The following RETREG1 variants were observed in gnomAD, a reference collection of about 807,000 sequenced individuals.
RETREG1 encodes family with sequence similarity 134 member B.
In RETREG1, 44 loss-of-function variants were observed where a neutral mutation model predicts 54.8. The observed-to-expected ratio is 0.80, with a 90% CI of 0.63 to 1.03. RETREG1 has a LOEUF of 1.03. Ranked by LOEUF, RETREG1 falls within the 50% of genes least tolerant of loss-of-function variation. The pLI is 0.00. For missense variants in RETREG1, 554 were observed against 605.1 expected (o/e 0.92, Z 0.89); for synonymous variants, 217 against 238.5 (o/e 0.91, Z 0.83).
In RETREG1 at chr5:16,502,632, T is replaced by A. The variant is rs553358965; in HGVS notation, c.459-19160A>T. 1.5e-4 allele frequency among the ~76,000 whole-genome samples: 23 copies of A among 152,358 alleles called. No homozygotes were observed. The South Asian group carries it at 3.7e-3, about 25-fold the overall frequency. ...ATCCAGGAAGAACTAGAAGACAGTATAACAGTATTTTTTCGAGGCATTAAG... is the reference window on the plus strand; with the variant it reads ...ATCCAGGAAGAACTAGAAGACAGTAAAACAGTATTTTTTCGAGGCATTAAG... On this transcript the variant is annotated intron_variant, in intron 3 of 8. Coordinates refer to ENST00000306320, the MANE Select transcript of RETREG1 (RefSeq NM_001034850.3).
chr5:16,591,288 G>A (rs1402922736), intron 1 of RETREG1, among the ~76,000 whole-genome samples: 1 of 152,082 alleles, frequency 6.6e-6, no homozygotes, highest in African/African-American at 2.4e-5. Flanking sequence ...CTAACACAGT[G>A]AAACGTTCCA....
chr5:16,540,193 T>C (rs905227308), intron 3 of RETREG1, among the ~76,000 whole-genome samples: 1 of 152,186 alleles, frequency 6.6e-6, no homozygotes, highest in African/African-American at 2.4e-5. Flanking sequence ...CGCTAAAAAC[T>C]ACCAATAAAA....
At chr5:16,493,888 T>C (rs1174062690) in intron 3 of RETREG1, among the ~76,000 whole-genome samples, 2 of 152,254 alleles carry the variant, frequency 1.3e-5, no homozygotes, top group African/African-American at 4.8e-5. Context: ...AAAGTGCTTT[T>C]ATTATGAAGG....
Position 16,475,159 on chromosome 5 carries a change from G to T in RETREG1, c.1076C>A (p.Thr359Lys), listed in dbSNP as rs1223271020. 3.7e-6 allele frequency: 6 copies of T among 1,613,846 alleles called. No individual in the cohort carries two copies. The highest frequency in any genetic ancestry group is 1.3e-5 in the African/African-American group (1 of 74,998). ...AAGGCTTAATTCATCTTCATCATTTGTTCCCATGCCATTTTCTAGAGATGG... is the reference window on the plus strand; with the variant it reads ...AAGGCTTAATTCATCTTCATCATTTTTTCCCATGCCATTTTCTAGAGATGG... ...DFPSLENGMG[T>K]NDEDELSLGL... The change falls in exon 9 of 9, where the codon ACA (threonine) becomes AAA (lysine). Residue 359 changes from threonine to lysine, a missense_variant. By Grantham distance (78) the Thr-to-Lys change is moderately conservative. Around this residue, in one of 4 missense-constraint regions of RETREG1, gnomAD observed 347 missense variants for 412.3 expected, o/e 0.84. Coordinates refer to ENST00000306320, the MANE Select transcript of RETREG1 (RefSeq NM_001034850.3).
rs1416883930 is a variant in RETREG1, at chr5:16,593,292, C to T, written c.321-21190G>A. On this transcript the variant is annotated intron_variant, in intron 1 of 8. Transcript: ENST00000306320. The surrounding 1 kb of genome is among the most constrained non-coding windows in gnomAD (Gnocchi z 4.9). ...CCACTTGTATGCTGGTTTGCTTGGCCATTTGTTTCCCATCTGTCTGTCCTT... is the reference window on the plus strand; with the variant it reads ...CCACTTGTATGCTGGTTTGCTTGGCTATTTGTTTCCCATCTGTCTGTCCTT... 6.6e-6 allele frequency among the ~76,000 whole-genome samples: 1 copy of T among 152,104 alleles called. No homozygotes were observed. Among genetic ancestry groups the T allele is most frequent in the Non-Finnish European group, 1.5e-5 (1 of 68,030 alleles).
intron 3 of RETREG1, among the ~76,000 whole-genome samples, chr5:16,514,266 AGG>A (rs1740275467): frequency 6.6e-6 from 1 of 152,130 alleles, no homozygotes; most frequent in Non-Finnish European, 1.5e-5. Context: ...TTAACCTAGA[AGG>A]AATGAAGTGT....
chr5:16,533,083 C>T (rs1249040362), intron 3 of RETREG1, among the ~76,000 whole-genome samples: 1 of 151,638 alleles, frequency 6.6e-6, no homozygotes, highest in Non-Finnish European at 1.5e-5. Context: ...GTCTCTCTCT[C>T]GCCCAGGCTG....
intron 3 of RETREG1, among the ~76,000 whole-genome samples, chr5:16,504,550 C>T (rs1256650054): frequency 1.3e-5 from 2 of 152,204 alleles, no homozygotes; most frequent in Non-Finnish European, 2.9e-5. Flanking sequence ...CAGCCACTCT[C>T]TCCTTTCTCC....
At chr5:16,546,368 A>G (rs1483234638) in intron 3 of RETREG1, among the ~76,000 whole-genome samples, 2 of 152,128 alleles carry the variant, frequency 1.3e-5, no homozygotes, top group Non-Finnish European at 2.9e-5. Context: ...TGGCCTTGCT[A>G]TGTTGCCCAG....
chr5:16,590,886 C>A (rs940888162), intron 1 of RETREG1, among the ~76,000 whole-genome samples: 1 of 146,592 alleles, frequency 6.8e-6, no homozygotes, highest in African/African-American at 2.5e-5. Flanking sequence ...TACACACACA[C>A]GCACACACAC....
intron 3 of RETREG1, among the ~76,000 whole-genome samples, chr5:16,514,510 A>G (rs62369680): frequency 0.13 from 20,413 of 152,118 alleles, 1,695 homozygotes; most frequent in African/African-American, 0.23. Flanking sequence ...TAATGTTTCT[A>G]TCTTATTTTG....
At chr5:16,563,230 T>C (rs1741917263) in intron 3 of RETREG1, among the ~76,000 whole-genome samples, 1 of 152,172 alleles carries the variant, frequency 6.6e-6, no homozygotes, top group South Asian at 2.1e-4. Context: ...TACACATTTC[T>C]GTAGGAACAA....
At chr5:16,495,608 C>T (rs968224933) in intron 3 of RETREG1, among the ~76,000 whole-genome samples, 1 of 152,252 alleles carries the variant, frequency 6.6e-6, no homozygotes, top group Non-Finnish European at 1.5e-5. Flanking sequence ...GCCTTGGTGG[C>T]TTCCATGTGG....
Position 16,563,081 on chromosome 5 carries a change from G to A in RETREG1, c.458+2682C>T, listed in dbSNP as rs527466380. Reference sequence around the variant, plus strand: ...ATCTAAAACTGTTTTTAAAAATAACGCCTGTGTGAGAGAACCAACTAATGC... The same window carrying A: ...ATCTAAAACTGTTTTTAAAAATAACACCTGTGTGAGAGAACCAACTAATGC... On this transcript the variant is annotated intron_variant, in intron 3 of 8. Coordinates refer to ENST00000306320, the MANE Select transcript of RETREG1 (RefSeq NM_001034850.3). Among the ~76,000 whole-genome samples the A allele has an allele frequency of 6.6e-5, 10 of 152,044 alleles. No homozygotes were observed. In the South Asian group the frequency reaches 1.3e-3, roughly 19 times the overall value.
chr5:16,482,039 G>A (rs373137876), intron 4 of RETREG1, among the ~76,000 whole-genome samples: 10 of 151,988 alleles, frequency 6.6e-5, no homozygotes, highest in African/African-American at 2.4e-4. Flanking sequence ...AGAGCAAAGG[G>A]GTCTAAATCT....
At chr5:16,531,859 G>C (rs994593721) in intron 3 of RETREG1, among the ~76,000 whole-genome samples, 5 of 152,172 alleles carry the variant, frequency 3.3e-5, no homozygotes, top group African/African-American at 1.2e-4. Context: ...CAAGCAGTGA[G>C]CAAACTAATT....
intron 1 of RETREG1, among the ~76,000 whole-genome samples, chr5:16,608,052 G>A (rs1464026697): frequency 6.6e-6 from 1 of 151,960 alleles, no homozygotes; most frequent in Admixed American, 6.6e-5. Context: ...GCTAATTTTT[G>A]TATTTTTAAT....
At chr5:16,487,522 C>G (rs1178273007) in intron 3 of RETREG1, among the ~76,000 whole-genome samples, 1 of 152,216 alleles carries the variant, frequency 6.6e-6, no homozygotes, top group African/African-American at 2.4e-5. Flanking sequence ...ACTACAAGCC[C>G]CAGCCTCTAC....
intron 3 of RETREG1, among the ~76,000 whole-genome samples, chr5:16,527,103 C>T (rs191146248): frequency 7.2e-5 from 11 of 152,338 alleles, no homozygotes; most frequent in Admixed American, 5.9e-4. Context: ...CTTTACCTTC[C>T]CCCGCCAGGT....
Sources: allele counts gnomAD v4.1 joint callset (sites outside exome capture counted in the v4.1 genomes callset), GRCh38; gene constraint gnomAD v4.1.1; regional missense constraint gnomAD v4.1.1; non-coding constraint Gnocchi (gnomAD v3.1); transcripts MANE v1.5; gene names NCBI Gene and HGNC (gene_info 2026-07-23, HGNC 2026-07-21).